ADGB: variants seen among roughly 807,000 people sequenced by gnomAD.
The protein encoded by ADGB is calpain-7-like protein.
A neutral mutation model predicts 210.5 loss-of-function variants in ADGB; 172 were observed. The ratio of observed to expected loss-of-function variants is 0.82; its 90% CI spans 0.72 to 0.93. The LOEUF is 0.93. ADGB is among the 40% of genes least tolerant of loss of function. The pLI is 0.00. For missense variants in ADGB, 2,025 were observed against 1,964.8 expected (o/e 1.03, Z -0.58); for synonymous variants, 658 against 662.7 (o/e 0.99, Z 0.11).
chr6:146,773,783 T>C (rs17076270), intron 29 of ADGB, among the ~76,000 whole-genome samples: 4,156 of 152,296 alleles, frequency 0.027, 176 homozygotes, highest in African/African-American at 0.094. Flanking sequence ...AGTTGTATTG[T>C]CATAATAGTA....
intron 20 of ADGB, among the ~76,000 whole-genome samples, chr6:146,731,965 A>G (rs1250235872): frequency 6.6e-6 from 1 of 152,090 alleles, no homozygotes; most frequent in Non-Finnish European, 1.5e-5. Flanking sequence ...GTGTGTTTTA[A>G]CTATGCAGAT....
At chr6:146,728,818 C>A in intron 20 of ADGB, 77 bp downstream of exon 20, 3 of 1,196,458 alleles carry the variant, frequency 2.5e-6, no homozygotes, top group South Asian at 4.6e-5. Flanking sequence ...TAGGTGACCT[C>A]CCAAATCAGA....
chr6:146,758,346 G>A (rs1281477352), intron 27 of ADGB, among the ~76,000 whole-genome samples: 1 of 151,946 alleles, frequency 6.6e-6, no homozygotes, highest in Non-Finnish European at 1.5e-5. Context: ...GCACTTTTGT[G>A]CAGCTCTCCT....
At chr6:146,760,586 T>C (rs1027838917) in intron 27 of ADGB, among the ~76,000 whole-genome samples, 10 of 151,910 alleles carry the variant, frequency 6.6e-5, no homozygotes, top group African/African-American at 2.4e-4. Context: ...AAATCCTTTT[T>C]TGGACTTATG....
chr6:146,713,731 A>G (rs1776691303), intron 13 of ADGB, among the ~76,000 whole-genome samples: 1 of 151,992 alleles, frequency 6.6e-6, no homozygotes. Flanking sequence ...TTTGATGTAC[A>G]GAAGTTTTCT....
intron 13 of ADGB, 83 bp downstream of exon 13, chr6:146,701,153 C>T: frequency 7.2e-7 from 1 of 1,392,820 alleles, no homozygotes; most frequent in Non-Finnish European, 9.8e-7. Context: ...ACTATACATA[C>T]AAAAGAATGT....
At chr6:146,706,862 T>TTTG (rs1776579800) in intron 13 of ADGB, among the ~76,000 whole-genome samples, 1 of 140,088 alleles carries the variant, frequency 7.1e-6, no homozygotes, top group African/African-American at 2.6e-5. Context: ...TTTTTTTTTT[T>TTTG]ACTTTTCTTG....
chr6:146,676,590 G>A (rs994040021), intron 9 of ADGB, 149 bp downstream of exon 9: 14 of 652,514 alleles, frequency 2.1e-5, no homozygotes, highest in Non-Finnish European at 3.1e-5. Context: ...TCAGATGGGT[G>A]GGCGTGTTGG....
chr6:146,600,608 T>TAAAAC (rs1482886802), intron 1 of ADGB, among the ~76,000 whole-genome samples: 1 of 152,186 alleles, frequency 6.6e-6, no homozygotes, highest in Admixed American at 6.5e-5. Flanking sequence ...TCTGCCAAAA[T>TAAAAC]AAAACAAAAC....
At chr6:146,659,134 G>GT (rs755141500) in intron 5 of ADGB, among the ~76,000 whole-genome samples, 4 of 152,088 alleles carry the variant, frequency 2.6e-5, no homozygotes, top group Non-Finnish European at 4.4e-5. Flanking sequence ...TATGTGGTTG[G>GT]TTTTTTATCC....
At chr6:146,693,421 C>T (rs1247081175) in intron 12 of ADGB, among the ~76,000 whole-genome samples, 1 of 152,140 alleles carries the variant, frequency 6.6e-6, no homozygotes, top group Non-Finnish European at 1.5e-5. Flanking sequence ...GGAGAGTCTT[C>T]ATAAGAAACA....
intron 35 of ADGB, among the ~76,000 whole-genome samples, chr6:146,808,714 A>T (rs1778251225): frequency 6.6e-6 from 1 of 152,178 alleles, no homozygotes; most frequent in Admixed American, 6.5e-5. Context: ...ATTTATTGAG[A>T]CATGGTCTGG....
chr6:146,720,635 C>T (rs147964169), intron 16 of ADGB, among the ~76,000 whole-genome samples: 3 of 152,162 alleles, frequency 2.0e-5, no homozygotes, highest in African/African-American at 7.2e-5. Flanking sequence ...ACAGGCTGTA[C>T]AGAAAGCATG....
intron 1 of ADGB, among the ~76,000 whole-genome samples, chr6:146,615,704 G>A (rs1034191906): frequency 3.3e-5 from 5 of 152,094 alleles, no homozygotes; most frequent in Admixed American, 6.5e-5. Flanking sequence ...CTTTCTGTGC[G>A]TGACTTGTTT....
chr6:146,779,365 C>T (rs1242224268), intron 29 of ADGB, among the ~76,000 whole-genome samples: 7 of 152,140 alleles, frequency 4.6e-5, no homozygotes, highest in East Asian at 3.9e-4. Context: ...ATAATGGGAA[C>T]TCCAGAGGGA....
chr6:146,599,837 A>G (rs1050291441), intron 1 of ADGB, among the ~76,000 whole-genome samples: 1 of 152,084 alleles, frequency 6.6e-6, no homozygotes, highest in African/African-American at 2.4e-5. Flanking sequence ...AACTTACACC[A>G]TTTCTAATGT....
At chr6:146,723,079 A>G (rs1230919551) in intron 17 of ADGB, among the ~76,000 whole-genome samples, 5 of 152,180 alleles carry the variant, frequency 3.3e-5, no homozygotes, top group African/African-American at 1.2e-4. Context: ...AATATCGTCA[A>G]TGTTTTGAAT....
chr6:146,793,914 C>T (rs1050917930), intron 33 of ADGB, among the ~76,000 whole-genome samples: 1 of 152,182 alleles, frequency 6.6e-6, no homozygotes, highest in Non-Finnish European at 1.5e-5. Context: ...GCCAAAGAGT[C>T]TATTTGGGAT....
intron 1 of ADGB, among the ~76,000 whole-genome samples, chr6:146,607,167 T>A (rs1364017085): frequency 1.3e-5 from 2 of 152,190 alleles, no homozygotes; most frequent in Non-Finnish European, 2.9e-5. Context: ...CTACTGTGAA[T>A]GGGATTGCAT....
Sources: allele counts gnomAD v4.1 joint callset (sites outside exome capture counted in the v4.1 genomes callset), GRCh38; gene constraint gnomAD v4.1.1; transcripts MANE v1.5; gene names NCBI Gene and HGNC (gene_info 2026-07-23, HGNC 2026-07-21).